FER: variants seen among roughly 807,000 people sequenced by gnomAD.
FER encodes the protein FER tyrosine kinase.
FER carries 63 observed loss-of-function variants against 111.0 expected under a neutral mutation model. The ratio of observed to expected loss-of-function variants is 0.57; its 90% CI spans 0.46 to 0.70. The LOEUF (loss-of-function observed/expected upper bound fraction) is 0.70, where lower values mean the gene tolerates loss of function less well. Ranked by LOEUF, FER falls within the 30% of genes least tolerant of loss-of-function variation. The pLI, the probability that FER is intolerant of heterozygous loss-of-function variation, is 0.00. For synonymous variants in FER, 327 were observed against 313.9 expected (o/e 1.04, Z -0.44); for missense variants, 914 against 954.0 (o/e 0.96, Z 0.55).
chr5:108,794,368 C>T (rs1755748969), intron 2 of FER, among the ~76,000 whole-genome samples: 2 of 151,990 alleles, frequency 1.3e-5, no homozygotes, highest in African/African-American at 4.8e-5. Context: ...CATGTGCCCG[C>T]CTCCACGCCC....
At chr5:108,948,765 G>A (rs1291857633) in intron 11 of FER, among the ~76,000 whole-genome samples, 3 of 151,962 alleles carry the variant, frequency 2.0e-5, no homozygotes, top group Non-Finnish European at 4.4e-5. Flanking sequence ...TGAGCAAATC[G>A]CTTGTTCCAT....
Position 109,180,883 on chromosome 5 carries a change from C to T in FER, c.2185C>T (p.Pro729Ser). The T allele has an allele frequency of 6.2e-7, 1 of 1,608,870 alleles. No individual in the cohort carries two copies. Among genetic ancestry groups the T allele is most frequent in the Non-Finnish European group, 8.5e-7 (1 of 1,178,338 alleles). ...LKQIPIKWTA[P>S]EALNYGRYSS... is the part of the protein sequence containing the mutation. ...GCAGATTCCCATTAAATGGACAGCA[C>T]CGGAAGCTCTTAATTATGGTAAGAA... Residue 729 changes from proline to serine, a missense_variant, in exon 18 of 20, where the codon CCG becomes TCG. Pro to Ser is a moderately conservative substitution (Grantham distance 74). Transcript: ENST00000281092.
intron 16 of FER, among the ~76,000 whole-genome samples, chr5:109,055,300 AAAAT>A (rs1374905066): frequency 1.3e-5 from 2 of 152,204 alleles, no homozygotes; most frequent in Non-Finnish European, 2.9e-5. Flanking sequence ...CACAAAAACA[AAAAT>A]AAATAAATAG....
intron 13 of FER, among the ~76,000 whole-genome samples, chr5:108,983,704 A>G (rs529409164): frequency 6.6e-5 from 10 of 152,226 alleles, no homozygotes; most frequent in African/African-American, 1.9e-4. Flanking sequence ...GCGGTTTACA[A>G]TTTTAATGGC....
intron 11 of FER, among the ~76,000 whole-genome samples, chr5:108,947,613 T>C (rs900144813): frequency 2.6e-5 from 4 of 151,974 alleles, no homozygotes; most frequent in Admixed American, 6.6e-5. Flanking sequence ...TCTACAAATG[T>C]TTTTTCTCAC....
intron 16 of FER, among the ~76,000 whole-genome samples, chr5:109,073,591 G>T (rs1056935802): frequency 6.6e-6 from 1 of 152,240 alleles, no homozygotes; most frequent in Non-Finnish European, 1.5e-5. Flanking sequence ...TAAAGAGTTT[G>T]TGAATTTAAG....
At chr5:109,087,269 TA>T (rs1340280220) in intron 16 of FER, among the ~76,000 whole-genome samples, 4 of 151,924 alleles carry the variant, frequency 2.6e-5, no homozygotes, top group Middle Eastern at 3.4e-3. Flanking sequence ...CTTTAAAATT[TA>T]TTCAGACTTG....
intron 17 of FER, among the ~76,000 whole-genome samples, chr5:109,148,597 T>C (rs920562476): frequency 6.6e-6 from 1 of 152,216 alleles, no homozygotes; most frequent in Non-Finnish European, 1.5e-5. Flanking sequence ...CTATTTTCAT[T>C]CTGTTTAAGA....
intron 17 of FER, among the ~76,000 whole-genome samples, chr5:109,173,266 T>C (rs1582385069): frequency 6.6e-6 from 1 of 152,332 alleles, no homozygotes; most frequent in South Asian, 2.1e-4. Flanking sequence ...TTCAGTCAGC[T>C]GTGTCAGGCA....
At chr5:109,009,951 CCA>C (rs1195179501) in intron 13 of FER, among the ~76,000 whole-genome samples, 1 of 152,128 alleles carries the variant, frequency 6.6e-6, no homozygotes, top group Non-Finnish European at 1.5e-5. Context: ...TTTGTAATTT[CCA>C]CAGTGTCACT....
intron 8 of FER, among the ~76,000 whole-genome samples, chr5:108,879,426 G>A (rs77912367): frequency 0.04 from 6,081 of 151,704 alleles, 174 homozygotes; most frequent in South Asian, 0.11. Flanking sequence ...GCCCCAGTGT[G>A]TGTTATTCCC....
intron 13 of FER, among the ~76,000 whole-genome samples, chr5:109,031,466 A>G (rs1303400648): frequency 1.3e-5 from 2 of 152,156 alleles, no homozygotes; most frequent in East Asian, 1.9e-4. Context: ...CTATATTTGT[A>G]TAGTAGAACA....
At chr5:109,142,262 T>A (rs546282282) in intron 17 of FER, among the ~76,000 whole-genome samples, 5 of 152,190 alleles carry the variant, frequency 3.3e-5, no homozygotes, top group Non-Finnish European at 7.4e-5. Context: ...AAATAATAAT[T>A]AAGTTGTCGA....
intron 10 of FER, among the ~76,000 whole-genome samples, chr5:108,901,531 A>G (rs896123795): frequency 6.6e-6 from 1 of 152,182 alleles, no homozygotes; most frequent in Non-Finnish European, 1.5e-5. Context: ...CAGTAAGCAG[A>G]ATCAGAAATA....
At chr5:108,849,653 T>A (rs956601435) in intron 5 of FER, among the ~76,000 whole-genome samples, 4 of 152,208 alleles carry the variant, frequency 2.6e-5, no homozygotes, top group African/African-American at 7.2e-5. Flanking sequence ...TCTGTGTCAG[T>A]CACTTTCAGT....
intron 13 of FER, among the ~76,000 whole-genome samples, chr5:108,989,079 ATGGTTT>A (rs1375149502): frequency 6.6e-6 from 1 of 151,996 alleles, no homozygotes. Context: ...ACTTATTTGC[ATGGTTT>A]TGAGGTTCCT....
rs566674072 is a variant in FER, at chr5:108,802,481, A to G, written c.207+4092A>G. Among the ~76,000 whole-genome samples, 127 of 152,224 alleles carry G rather than the reference A, an allele frequency of 8.3e-4. 1 individual carries two copies. Among genetic ancestry groups the G allele is most frequent in the Middle Eastern group, 6.8e-3 (2 of 294 alleles). ...ACCAAAGTCGTAAGCATAATACCCAATAGTTTTTCAGCCTTTCCCCCCGTC... is the reference window on the plus strand; with the variant it reads ...ACCAAAGTCGTAAGCATAATACCCAGTAGTTTTTCAGCCTTTCCCCCCGTC... On this transcript the variant is annotated intron_variant, in intron 3 of 19. Coordinates refer to ENST00000281092, the MANE Select transcript of FER (RefSeq NM_005246.4).
At chr5:108,984,980 T>A (rs1762404672) in intron 13 of FER, among the ~76,000 whole-genome samples, 1 of 152,100 alleles carries the variant, frequency 6.6e-6, no homozygotes. Flanking sequence ...TAAAAAAGGT[T>A]AATGTTAGCA....
At chr5:108,983,921 C>T (rs1214932649) in intron 13 of FER, among the ~76,000 whole-genome samples, 1 of 149,732 alleles carries the variant, frequency 6.7e-6, no homozygotes, top group South Asian at 2.1e-4. Flanking sequence ...GCTCTATCAT[C>T]CTCTCTCTCT....
Sources: allele counts gnomAD v4.1 joint callset (sites outside exome capture counted in the v4.1 genomes callset), GRCh38; gene constraint gnomAD v4.1.1; transcripts MANE v1.5; gene names NCBI Gene and HGNC (gene_info 2026-07-23, HGNC 2026-07-21).